MYOM3: variants seen among roughly 807,000 people sequenced by gnomAD.
MYOM3 encodes the protein myomesin 3.
A neutral mutation model predicts 191.7 loss-of-function variants in MYOM3; 155 were observed. The observed-to-expected ratio is 0.81, with a 90% CI of 0.71 to 0.92. MYOM3 has a LOEUF of 0.92. Ranked by LOEUF, MYOM3 falls within the 40% of genes least tolerant of loss-of-function variation. The pLI is 0.00. For missense variants in MYOM3, 1,889 were observed against 1,890.6 expected (o/e 1.00, Z 0.02); for synonymous variants, 757 against 762.9 (o/e 0.99, Z 0.13).
chr1:24,086,043 G>A (rs1291293385), intron 15 of MYOM3, among the ~76,000 whole-genome samples: 1 of 152,180 alleles, frequency 6.6e-6, no homozygotes, highest in East Asian at 1.9e-4. Context: ...GAATCCAGAG[G>A]CCTCAGAGGT....
chr1:24,070,933 C>A (rs1643523369), intron 25 of MYOM3, among the ~76,000 whole-genome samples, 184 bp downstream of exon 25: 1 of 152,164 alleles, frequency 6.6e-6, no homozygotes, highest in Non-Finnish European at 1.5e-5. Context: ...CCACCCCCAA[C>A]ACCAGCACTG....
At chr1:24,099,608 T>C in intron 6 of MYOM3, 72 bp downstream of exon 6, 1 of 1,218,298 alleles carries the variant, frequency 8.2e-7, no homozygotes, top group Non-Finnish European at 1.2e-6. Context: ...CGAGGAAGGG[T>C]TTGGGATCCT....
At chr1:24,086,584 T>G in intron 15 of MYOM3, 60 bp downstream of exon 15, 1 of 1,549,902 alleles carries the variant, frequency 6.5e-7, no homozygotes, top group South Asian at 1.2e-5. Flanking sequence ...TCCCTGCAGC[T>G]TCAGGTCCTG....
intron 5 of MYOM3, among the ~76,000 whole-genome samples, chr1:24,101,465 G>A (rs1424324070): frequency 1.3e-5 from 2 of 152,220 alleles, no homozygotes; most frequent in Non-Finnish European, 2.9e-5. Flanking sequence ...CCCCTGGTGA[G>A]GTCGTATGTG....
chr1:24,090,221 G>T, intron 12 of MYOM3, 103 bp from the exon 13 acceptor site: 2 of 953,810 alleles, frequency 2.1e-6, no homozygotes, highest in Non-Finnish European at 3.4e-6. Flanking sequence ...TCCCAGTCCT[G>T]GCCTTGCAGC....
chr1:24,090,920 G>A lies in MYOM3; in HGVS notation c.1309C>T (p.Leu437Phe), dbSNP rs560414979. ...AACCGATAGCTCTGACCTTCGACGA[G>A]GCCTTGGATTGGGCACCGACAAGTC... ...GGTCRCPIQG[L>F]VEGQSYRFRV... is the part of the protein sequence containing the mutation. Residue 437 changes from leucine to phenylalanine, a missense_variant, in exon 12 of 37, where the codon CTC becomes TTC. Transcript: ENST00000374434. 158 of 1,614,120 alleles carry A rather than the reference G, an allele frequency of 9.8e-5. 2 individuals carry two copies. In the Middle Eastern group the frequency reaches 2.3e-3, roughly 24 times the overall value.
intron 2 of MYOM3, 38 bp downstream of exon 2, chr1:24,108,438 A>C: frequency 6.7e-7 from 1 of 1,494,746 alleles, no homozygotes; most frequent in Non-Finnish European, 8.9e-7. Flanking sequence ...GGCCCTGGGA[A>C]CAGGGCAGTG....
intron 6 of MYOM3, among the ~76,000 whole-genome samples, chr1:24,099,258 T>A (rs1336145630): frequency 6.6e-6 from 1 of 152,152 alleles, no homozygotes; most frequent in Non-Finnish European, 1.5e-5. Context: ...AGCACATGTG[T>A]GAGCACTGTG....
intron 4 of MYOM3, 50 bp from the exon 5 acceptor site, chr1:24,106,127 T>G (rs755612069): frequency 6.6e-7 from 1 of 1,525,684 alleles, no homozygotes; most frequent in Non-Finnish European, 8.8e-7. Context: ...ACCACCTCTC[T>G]GCCATCTTTG....
In MYOM3 at chr1:24,082,198, G is replaced by A; in HGVS notation, c.2093-10C>T. 1.3e-6 allele frequency: 2 copies of A among 1,596,164 alleles called. No individual in the cohort carries two copies. The highest frequency in any genetic ancestry group is 1.3e-5 in the African/African-American group (1 of 74,848). On this transcript the variant is annotated splice_polypyrimidine_tract_variant and intron_variant, in intron 17 of 36. Transcript: ENST00000374434. The stretch of plus-strand genomic sequence containing the variant: ...GGGGCAGACGGGGTAGCTACAGGGA[G>A]GTAAGGAGGTGAGGACAGCTGCTCC...
rs374912180 is a variant in MYOM3, at chr1:24,108,387, G to C, written c.161+89C>G. On this transcript the variant is annotated intron_variant, in intron 2 of 36. Coordinates refer to ENST00000374434, the MANE Select transcript of MYOM3 (RefSeq NM_152372.4). ...ATGTCCCTCCCCCCATCAGGTTGGA[G>C]CCTCCAGAGGGCTAGGCTGGGCCTC... 1.0e-4 allele frequency: 138 copies of C among 1,343,272 alleles called. 1 individual carries two copies. In the East Asian group the frequency reaches 1.4e-3, roughly 14 times the overall value. 83.2% of individuals were successfully genotyped at this position (1,343,272 alleles called of 1,614,324 possible).
intron 9 of MYOM3, among the ~76,000 whole-genome samples, chr1:24,094,273 G>A (rs1234545707): frequency 6.6e-6 from 1 of 150,940 alleles, no homozygotes; most frequent in Non-Finnish European, 1.5e-5. Flanking sequence ...CTGGGTTCAA[G>A]CGATTCTCCT....
rs754813786 is a variant in MYOM3, at chr1:24,084,399, A to C, written c.1970+69T>G. 4.5e-6 allele frequency: 7 copies of C among 1,548,658 alleles called. No individual in the cohort carries two copies. In the African/African-American group the frequency reaches 9.5e-5, roughly 21 times the overall value. ...ATTAAACCTCTTTTCTTTATAAAAG[A>C]AATTACCCAGTCTCAGGTATGTCTT... On this transcript the variant is annotated intron_variant, in intron 16 of 36. Coordinates refer to ENST00000374434, the MANE Select transcript of MYOM3 (RefSeq NM_152372.4).
chr1:24,105,896 C>G (rs770592902), intron 5 of MYOM3, 24 bp downstream of exon 5: 26 of 1,582,630 alleles, frequency 1.6e-5, no homozygotes, highest in African/African-American at 4.1e-5. Flanking sequence ...AGGCCCAGAA[C>G]CCCTTCCTGC....
rs770884980 is a variant in MYOM3, at chr1:24,074,203, A to G, written c.2925T>C (p.Asp975=). The G allele has an allele frequency of 1.2e-6, 2 of 1,614,098 alleles. No individual in the cohort carries two copies. Among genetic ancestry groups the G allele is most frequent in the Middle Eastern group, 1.6e-4 (1 of 6,062 alleles). Residue 975 remains aspartate, a synonymous_variant, in exon 23 of 37, where the codon GAT becomes GAC. Coordinates refer to ENST00000374434, the MANE Select transcript of MYOM3 (RefSeq NM_152372.4). ...DLGTYSVIVT[D]ADEDISASHT... Reference sequence around the variant, plus strand: ...GGCTTGCGGAGATGTCTTCATCGGCATCAGTGACTATGACTGAGTAGGTGC... The same window carrying G: ...GGCTTGCGGAGATGTCTTCATCGGCGTCAGTGACTATGACTGAGTAGGTGC...
intron 17 of MYOM3, 104 bp from the exon 18 acceptor site, chr1:24,082,292 C>T: frequency 9.0e-7 from 1 of 1,112,208 alleles, no homozygotes; most frequent in Non-Finnish European, 1.3e-6. Context: ...GGTGCCTGCC[C>T]TACTCCAGGG....
At chr1:24,099,818 G>A (rs772184558) in intron 5 of MYOM3, 43 bp from the exon 6 acceptor site, 2 of 1,464,344 alleles carry the variant, frequency 1.4e-6, no homozygotes, top group Admixed American at 3.3e-5. Flanking sequence ...GTGGTTCTAA[G>A]CGGGAGGGGT....
In MYOM3 at chr1:24,063,608, A is replaced by G. The variant is rs1643399466; in HGVS notation, c.3623-78T>C. On this transcript the variant is annotated intron_variant, in intron 30 of 36. Transcript: ENST00000374434. This position sits in a 1 kb window ranked among gnomAD's most constrained non-coding sequence, Gnocchi z 4.5. ...TGCTAGGAGTGGGGACATCCTAGAA[A>G]AAGGCTGGTGGAGCCCGTGAGCTGC... 3.1e-5 allele frequency: 49 copies of G among 1,559,054 alleles called. No homozygotes were observed. The highest frequency in any genetic ancestry group is 4.2e-5 in the Non-Finnish European group (48 of 1,132,962).
At position 24,105,981 on chromosome 1, in the gene MYOM3, C is replaced by T. The variant is rs1643979369; in HGVS notation, c.499G>A (p.Glu167Lys). The change falls in exon 5 of 37, where the codon GAG (glutamate) becomes AAG (lysine). Residue 167 changes from glutamate to lysine, a missense_variant. Physicochemically the swap from Glu to Lys is moderately conservative, Grantham distance 56. Coordinates refer to ENST00000374434, the MANE Select transcript of MYOM3 (RefSeq NM_152372.4). ...WIPLRSHAVW[E>K]HTTVLLTCTV... ...CAGGTCAGCAGGACCGTGGTGTGCTCCCAGACGGCGTGGGAGCGAAGAGGG... is the reference window on the plus strand; with the variant it reads ...CAGGTCAGCAGGACCGTGGTGTGCTTCCAGACGGCGTGGGAGCGAAGAGGG... 1 of 1,613,994 alleles carries T rather than the reference C, an allele frequency of 6.2e-7. No individual in the cohort carries two copies. The highest frequency in any genetic ancestry group is 8.5e-7 in the Non-Finnish European group (1 of 1,180,004).
Sources: allele counts gnomAD v4.1 joint callset (sites outside exome capture counted in the v4.1 genomes callset), GRCh38; gene constraint gnomAD v4.1.1; non-coding constraint Gnocchi (gnomAD v3.1); transcripts MANE v1.5; gene names NCBI Gene and HGNC (gene_info 2026-07-23, HGNC 2026-07-21).